Variants in FCSK observed in about 807,000 individuals in gnomAD.
FCSK encodes the protein fucose kinase.
FCSK carries 123 observed loss-of-function variants against 122.5 expected under a neutral mutation model. The observed-to-expected ratio is 1.00, with a 90% CI of 0.87 to 1.17. The LOEUF (loss-of-function observed/expected upper bound fraction) is 1.17. FCSK is among the 50% of genes most tolerant of loss of function. FCSK has a pLI of 0.00. For synonymous variants in FCSK, 620 were observed against 625.5 expected (o/e 0.99, Z 0.13); for missense variants, 1,366 against 1,450.4 (o/e 0.94, Z 0.95).
Position 70,478,421 on chromosome 16 carries a change from T to C in FCSK, c.2791T>C (p.Tyr931His), listed in dbSNP as rs1382838212. The change falls in exon 21 of 24, where the codon TAC becomes CAC. Residue 931 changes from tyrosine to histidine, a missense_variant. Physicochemically the swap from Tyr to His is moderately conservative, Grantham distance 83. Transcript: ENST00000288078. ...QKLNDHLLLV[Y>H]TGKTRLARNL... ...GCTCAATGACCACCTGCTCTTGGTG[T>C]ACACTGGCAAGACCCGCCTGGCTCG... The C allele has an allele frequency of 1.2e-6, 2 of 1,614,008 alleles. No homozygotes were observed. The highest frequency in any genetic ancestry group is 1.3e-5 in the African/African-American group (1 of 74,934).
At chr16:70,477,112 T>C (rs978566135) in intron 20 of FCSK, among the ~76,000 whole-genome samples, 2 of 152,248 alleles carry the variant, frequency 1.3e-5, no homozygotes, top group Non-Finnish European at 1.5e-5. Context: ...CATTTCATAC[T>C]TTAAACCCTT....
At position 70,458,655 on chromosome 16, in the gene FCSK, C is replaced by T. The variant is rs144620594; in HGVS notation, c.-23+4025C>T. 1.6e-3 allele frequency among the ~76,000 whole-genome samples: 240 copies of T among 151,802 alleles called. 1 individual carries two copies. Among genetic ancestry groups the T allele is most frequent in the Middle Eastern group, 0.014 (4 of 294 alleles). On this transcript the variant is annotated intron_variant, in intron 1 of 23. Coordinates refer to ENST00000288078, the MANE Select transcript of FCSK (RefSeq NM_145059.3). ...GTAGAGACAGGGTTTACCATGTTGG[C>T]GAGGCTGGTCTCGAACTCCTGACCT...
rs1161653275 is a variant in FCSK, at chr16:70,471,047, G to A, written c.1145G>A (p.Ser382Asn). 3.1e-6 allele frequency: 5 copies of A among 1,602,364 alleles called. No homozygotes were observed. The East Asian group carries it at 6.7e-5, about 22-fold the overall frequency. ...GGCCCTGTCCAGCTGGGTCCTGGGA[G>A]CGTCCTGCAGCACTGCCACCTGCAG... ...LEGPVQLGPG[S>N]VLQHCHLQGP... Residue 382 changes from serine to asparagine, a missense_variant, in exon 12 of 24, where the codon AGC becomes AAC. By Grantham distance (46) the Ser-to-Asn change is conservative (BLOSUM62 1). Coordinates refer to ENST00000288078, the MANE Select transcript of FCSK (RefSeq NM_145059.3).
At position 70,474,533 on chromosome 16, in the gene FCSK, C is replaced by T. The variant is rs1398449593; in HGVS notation, c.1994C>T (p.Ala665Val). 3.9e-6 allele frequency: 6 copies of T among 1,547,500 alleles called. No individual in the cohort carries two copies. The Admixed American group carries it at 1.2e-4, about 30-fold the overall frequency. Reference protein sequence around the residue: ...QERDKWLSRPALLVRAARHYE... With the variant: ...QERDKWLSRPVLLVRAARHYE... Reference sequence around the variant, plus strand: ...CCTCCCCCTTCTCTTGGCAGGCCAGCCTTGCTGGTGCGAGCGGCCCGCCAC... The same window carrying T: ...CCTCCCCCTTCTCTTGGCAGGCCAGTCTTGCTGGTGCGAGCGGCCCGCCAC... The change falls in exon 17 of 24, where the codon GCC (alanine) becomes GTC (valine). Residue 665 changes from alanine (A) to valine (V), a missense_variant. By Grantham distance (64) the Ala-to-Val change is moderately conservative. Coordinates refer to ENST00000288078, the MANE Select transcript of FCSK (RefSeq NM_145059.3).
chr16:70,467,814 C>G lies in FCSK; in HGVS notation c.583-72C>G. ...TTCCTTTGGAGAATGCCCTTGCTGCCACCTGTGGCTGTGGCCTCCTTCCAG... is the reference window on the plus strand; with the variant it reads ...TTCCTTTGGAGAATGCCCTTGCTGCGACCTGTGGCTGTGGCCTCCTTCCAG... On this transcript the variant is annotated intron_variant, in intron 7 of 23. Transcript: ENST00000288078. The G allele has an allele frequency of 3.8e-6, 5 of 1,304,368 alleles. No homozygotes were observed. In the South Asian group the frequency reaches 5.9e-5, roughly 15 times the overall value. The allele number at this position is 1,304,368 out of a possible 1,614,324, so 80.8% of individuals were successfully genotyped here. A position where few individuals can be genotyped will look rare whatever the true frequency, so the allele number is the denominator to read the frequency against.
Position 70,480,111 on chromosome 16 carries a change from T to G in FCSK, c.*431T>G, listed in dbSNP as rs2048949838. On this transcript the variant is annotated 3_prime_UTR_variant, in exon 24 of 24. Coordinates refer to ENST00000288078, the MANE Select transcript of FCSK (RefSeq NM_145059.3). ...CTCAACCCTCATGTGAGCGTGGGAGTGAGGGTGGCGGTCCCTTGCCAAGTT... is the reference window on the plus strand; with the variant it reads ...CTCAACCCTCATGTGAGCGTGGGAGGGAGGGTGGCGGTCCCTTGCCAAGTT... 6.4e-6 allele frequency: 1 copy of G among 155,700 alleles called. No homozygotes were observed. Among genetic ancestry groups the G allele is most frequent in the African/African-American group, 2.4e-5 (1 of 41,390 alleles). 9.6% of individuals were successfully genotyped at this position (155,700 alleles called of 1,614,324 possible).
Position 70,472,549 on chromosome 16 carries a change from G to A in FCSK, c.1350G>A (p.Gly450=), listed in dbSNP as rs200800448. Residue 450 remains glycine, a synonymous_variant, in exon 14 of 24, where the codon GGG becomes GGA. Coordinates refer to ENST00000288078, the MANE Select transcript of FCSK (RefSeq NM_145059.3). ...VGRLDSWERQ[G]AGTYLNVPWS... is the part of the protein sequence containing the mutation. ...TTCTTCCTCTCCCCCAGAGACAGGG[G>A]GCAGGCACATATCTCAACGTGCCCT... 2.2e-4 allele frequency: 354 copies of A among 1,612,790 alleles called. 1 individual carries two copies. Among genetic ancestry groups the A allele is most frequent in the Non-Finnish European group, 2.5e-4 (294 of 1,179,368 alleles).
chr16:70,461,928 A>G (rs547263854), intron 1 of FCSK, among the ~76,000 whole-genome samples: 21 of 152,326 alleles, frequency 1.4e-4, no homozygotes, highest in African/African-American at 4.6e-4. Context: ...CCGGAGGTTC[A>G]TAGCAGGACT....
chr16:70,465,580 C>G lies in FCSK; in HGVS notation c.285+404C>G, dbSNP rs983668398. Among the ~76,000 whole-genome samples the G allele has an allele frequency of 5.3e-5, 8 of 151,748 alleles. No homozygotes were observed. In the East Asian group the frequency reaches 1.6e-3, roughly 29 times the overall value. On this transcript the variant is annotated intron_variant, in intron 4 of 23. Transcript: ENST00000288078. ...GGCTGAGGTGGGAGGATCACTTGAGCCTGGGAGGTTGAGGCTGCAGTGAGT... is the reference window on the plus strand; with the variant it reads ...GGCTGAGGTGGGAGGATCACTTGAGGCTGGGAGGTTGAGGCTGCAGTGAGT...
At chr16:70,461,570 T>C (rs1194896355) in intron 1 of FCSK, among the ~76,000 whole-genome samples, 1 of 152,190 alleles carries the variant, frequency 6.6e-6, no homozygotes, top group Non-Finnish European at 1.5e-5. Context: ...CCCGCTGGGC[T>C]GGCTGAGACC....
At chr16:70,456,555 T>A (rs562966977) in intron 1 of FCSK, among the ~76,000 whole-genome samples, 5 of 152,226 alleles carry the variant, frequency 3.3e-5, no homozygotes, top group Non-Finnish European at 7.3e-5. Flanking sequence ...CAGTCCTTCC[T>A]CCTTCAGGGA....
chr16:70,459,731 G>C (rs963463518), intron 1 of FCSK, among the ~76,000 whole-genome samples: 40 of 142,318 alleles, frequency 2.8e-4, no homozygotes, highest in African/African-American at 1.1e-3. Context: ...TTGGGCTCAA[G>C]CGATCCTCCT....
intron 2 of FCSK, 100 bp downstream of exon 2, chr16:70,463,372 A>G: frequency 9.4e-7 from 1 of 1,058,820 alleles, no homozygotes; most frequent in Admixed American, 2.1e-5. Flanking sequence ...CCTGGGTTCA[A>G]ACCCAGATTG....
intron 1 of FCSK, among the ~76,000 whole-genome samples, chr16:70,460,094 C>A (rs528900710): frequency 6.8e-6 from 1 of 147,822 alleles, no homozygotes; most frequent in Admixed American, 6.7e-5. Flanking sequence ...CCGCCAACCA[C>A]GTCTAGCCTC....
chr16:70,479,913 A>G lies in FCSK; in HGVS notation c.*233A>G. The stretch of plus-strand genomic sequence containing the variant: ...TCCTCCTGGACATAGGAAGGTCCCA[A>G]GCTTAGTATCCCACGTGGCCTTTAC... On this transcript the variant is annotated 3_prime_UTR_variant, in exon 24 of 24. Coordinates refer to ENST00000288078, the MANE Select transcript of FCSK (RefSeq NM_145059.3). 2.2e-6 allele frequency: 1 copy of G among 446,756 alleles called. No individual in the cohort carries two copies. Among genetic ancestry groups the G allele is most frequent in the East Asian group, 3.7e-5 (1 of 27,056 alleles). The allele number at this position is 446,756 out of a possible 1,614,324, so 27.7% of individuals were successfully genotyped here.
At position 70,468,830 on chromosome 16, in the gene FCSK, CT is replaced by C. The variant is rs755236230; in HGVS notation, c.664-15del. 1.7e-5 allele frequency: 27 copies of C among 1,613,762 alleles called. No individual in the cohort carries two copies. Among genetic ancestry groups the C allele is most frequent in the Non-Finnish European group, 2.3e-5 (27 of 1,179,930 alleles). On this transcript the variant is annotated intron_variant, in intron 8 of 23. Transcript: ENST00000288078. ...GGTCCAGGGCCCTCCATCTCTGATC[CT>C]TTTGGGGTCCCTTCCAGGTCTCTGG...
At chr16:70,467,117 C>T (rs1359906558) in intron 6 of FCSK, 163 bp downstream of exon 6, 3 of 713,906 alleles carry the variant, frequency 4.2e-6, no homozygotes, top group Admixed American at 4.2e-5. Flanking sequence ...AGGGCTTCTC[C>T]TGCTGTGCCT....
At chr16:70,460,534 A>G (rs2048233838) in intron 1 of FCSK, among the ~76,000 whole-genome samples, 1 of 151,988 alleles carries the variant, frequency 6.6e-6, no homozygotes, top group South Asian at 2.1e-4. Context: ...CCTCCTGAGT[A>G]GCTGGGACTA....
chr16:70,478,250 G>C, intron 20 of FCSK, 22 bp from the exon 21 acceptor site: 1 of 1,612,124 alleles, frequency 6.2e-7, no homozygotes, highest in Non-Finnish European at 8.5e-7. Flanking sequence ...GACTCCAACA[G>C]TGACAGTCCC....
Sources: gnomAD v4.1 joint callset for allele counts (sites outside exome capture counted in the v4.1 genomes callset) on GRCh38, gnomAD v4.1.1 for gene constraint, MANE v1.5 for transcripts, NCBI Gene and HGNC (gene_info 2026-07-23, HGNC 2026-07-21) for gene names.